Variants in ABCC8 observed in about 807,000 individuals in gnomAD.
ABCC8 encodes ATP binding cassette subfamily C member 8, also known as ATP-binding cassette sub-family C member 8.
A neutral mutation model predicts 188.0 loss-of-function variants in ABCC8; 137 were observed. The ratio of observed to expected loss-of-function variants is 0.73; its 90% CI spans 0.63 to 0.84. ABCC8 has a LOEUF of 0.84. Ranked by LOEUF, ABCC8 falls within the 40% of genes least tolerant of loss-of-function variation. ABCC8 has a pLI of 0.00. For missense variants in ABCC8, 1,750 were observed against 2,072.7 expected, an observed-to-expected ratio of 0.84 and a Z score of 3.02; for synonymous variants, 797 against 846.5, an observed-to-expected ratio of 0.94 and a Z score of 1.01.
intron 8 of ABCC8, among the ~76,000 whole-genome samples, chr11:17,446,841 T>G (rs891487593): frequency 1.3e-5 from 2 of 152,178 alleles, no homozygotes; most frequent in African/African-American, 4.8e-5. Context: ...AACTCTAAGC[T>G]TTACAAGTAA....
Position 17,463,454 on chromosome 11 carries a change from T to A in ABCC8, c.563A>T (p.Asn188Ile). Reference protein sequence around the residue: ...LYGMLLLVEVNVIRVRRYIFF... With the variant: ...LYGMLLLVEVIVIRVRRYIFF... The stretch of plus-strand genomic sequence containing the variant: ...CCTGCTTACCCTCACCCTGATGACA[T>A]TGACCTCCACGAGGAGCAGCATCCC... Residue 188 changes from asparagine (N) to isoleucine (I), a missense_variant, in exon 4 of 39, where the codon AAT (asparagine) becomes ATT (isoleucine). Coordinates refer to ENST00000389817, the MANE Select transcript of ABCC8 (RefSeq NM_000352.6). 6.2e-7 allele frequency: 1 copy of A among 1,605,532 alleles called. No homozygotes were observed. The highest frequency in any genetic ancestry group is 2.2e-5 in the East Asian group (1 of 44,696).
At chr11:17,463,880 G>T (rs1252941738) in intron 3 of ABCC8, among the ~76,000 whole-genome samples, 1 of 152,152 alleles carries the variant, frequency 6.6e-6, no homozygotes, top group African/African-American at 2.4e-5. Flanking sequence ...GGGAAGAATG[G>T]GAAATTTATT....
chr11:17,408,122 T>G, intron 23 of ABCC8: 1 of 374,428 alleles, frequency 2.7e-6, no homozygotes, highest in East Asian at 5.0e-5. Flanking sequence ...TAGTTTTCTT[T>G]GCCAGTTTGA....
intron 7 of ABCC8, among the ~76,000 whole-genome samples, chr11:17,450,887 C>G (rs909114946): frequency 2.0e-5 from 3 of 151,524 alleles, no homozygotes; most frequent in African/African-American, 7.3e-5. Context: ...TGGGGTTTCA[C>G]TATGTTGGTC....
At chr11:17,475,798 C>G (rs921988987) in intron 1 of ABCC8, among the ~76,000 whole-genome samples, 2 of 152,208 alleles carry the variant, frequency 1.3e-5, no homozygotes, top group Non-Finnish European at 2.9e-5. Context: ...TGCTTGTTTT[C>G]TTAAAGTGAA....
chr11:17,393,473 G>C (rs888768153), intron 38 of ABCC8, among the ~76,000 whole-genome samples: 7 of 152,208 alleles, frequency 4.6e-5, no homozygotes, highest in African/African-American at 1.7e-4. Context: ...TGGAGAAGGA[G>C]AGGGGAGGTC....
chr11:17,402,445 A>G (rs1276620825), intron 29 of ABCC8, among the ~76,000 whole-genome samples: 1 of 152,152 alleles, frequency 6.6e-6, no homozygotes, highest in Non-Finnish European at 1.5e-5. Flanking sequence ...GGGCTTGTCT[A>G]CAGAGCTGGA....
chr11:17,428,161 T>G, intron 14 of ABCC8, 128 bp downstream of exon 14: 1 of 1,557,480 alleles, frequency 6.4e-7, no homozygotes, highest in Non-Finnish European at 8.7e-7. Flanking sequence ...TCTGGACTCC[T>G]ATGGACCGTA....
chr11:17,450,685 C>CTTTTCTT (rs1956780962), intron 7 of ABCC8, among the ~76,000 whole-genome samples: 1 of 76,706 alleles, frequency 1.3e-5, no homozygotes, highest in Admixed American at 1.9e-4. Flanking sequence ...GCATGAGCCA[C>CTTTTCTT]TTTTTTTTTT....
chr11:17,404,369 A>T lies in ABCC8; in HGVS notation c.3557+143T>A. On this transcript the variant is annotated intron_variant, in intron 28 of 38. Coordinates refer to ENST00000389817, the MANE Select transcript of ABCC8 (RefSeq NM_000352.6). This position sits in a 1 kb window ranked among gnomAD's most constrained non-coding sequence, Gnocchi z 4.7. Reference sequence around the variant, plus strand: ...TAGGGCGGTGGAATAAGATGTGGATATTTCTATTTCCTTCATTTCTGTTTT... The same window carrying T: ...TAGGGCGGTGGAATAAGATGTGGATTTTTCTATTTCCTTCATTTCTGTTTT... The T allele has an allele frequency of 4.3e-5, 27 of 628,034 alleles. No individual in the cohort carries two copies. The highest frequency in any genetic ancestry group is 7.2e-5 in the Non-Finnish European group (24 of 334,066). The allele number at this position is 628,034 out of a possible 1,614,324, so 38.9% of individuals were successfully genotyped here.
At chr11:17,417,999 C>A (rs1006567093) in intron 16 of ABCC8, among the ~76,000 whole-genome samples, 2 of 152,184 alleles carry the variant, frequency 1.3e-5, no homozygotes, top group African/African-American at 4.8e-5. Context: ...TCAAGCGATC[C>A]TCCAGCTTTG....
chr11:17,467,042 C>CCACACACACACACACACACACACA (rs569546580), intron 3 of ABCC8, among the ~76,000 whole-genome samples: 1 of 132,312 alleles, frequency 7.6e-6, no homozygotes, highest in Non-Finnish European at 1.6e-5. Context: ...ACATGTTAAA[C>CCACACACACACACACACACACACA]CACACACACA....
chr11:17,398,265 C>CCCAG, intron 30 of ABCC8, 74 bp downstream of exon 30: 1 of 1,567,154 alleles, frequency 6.4e-7, no homozygotes, highest in African/African-American at 1.4e-5. Flanking sequence ...CTCTTTCATC[C>CCCAG]CCAGGTACCT....
At chr11:17,410,387 C>T in intron 22 of ABCC8, 129 bp downstream of exon 22, 1 of 1,051,486 alleles carries the variant, frequency 9.5e-7, no homozygotes, top group East Asian at 2.5e-5. Context: ...TAAAGCCATC[C>T]AGTGCTGGTC....
rs1955607741 is a variant in ABCC8 at position 17,427,005 on chromosome 11, AAGG to A, written c.2222+41_2222+43del. ...ATCCTCAACTGAGGAGGATGGTTAA[AAGG>A]AGATTTCCCCTCCACTGGGCCCTGA... On this transcript the variant is annotated intron_variant, in intron 16 of 38. Coordinates refer to ENST00000389817, the MANE Select transcript of ABCC8 (RefSeq NM_000352.6). This position sits in a 1 kb window ranked among gnomAD's most constrained non-coding sequence, Gnocchi z 5.0. 1.9e-6 allele frequency: 3 copies of A among 1,607,392 alleles called. No individual in the cohort carries two copies. Among genetic ancestry groups the A allele is most frequent in the Non-Finnish European group, 2.6e-6 (3 of 1,175,990 alleles).
chr11:17,460,830 C>T, intron 5 of ABCC8, 154 bp from the exon 6 acceptor site: 1 of 1,467,028 alleles, frequency 6.8e-7, no homozygotes, highest in Non-Finnish European at 9.1e-7. Context: ...ATCATGGAAT[C>T]AGCAAGTGCA....
At chr11:17,450,196 A>G (rs1328161224) in intron 7 of ABCC8, among the ~76,000 whole-genome samples, 1 of 151,730 alleles carries the variant, frequency 6.6e-6, no homozygotes, top group East Asian at 1.9e-4. Context: ...GGAAATCTCC[A>G]AAAGAAAGAA....
Position 17,394,413 on chromosome 11 carries a change from G to A in ABCC8, c.4412-14C>T, listed in dbSNP as rs193922404. 3.7e-5 allele frequency: 59 copies of A among 1,614,036 alleles called. No individual in the cohort carries two copies. In the African/African-American group the frequency reaches 6.1e-4, roughly 17 times the overall value. On this transcript the variant is annotated splice_polypyrimidine_tract_variant and intron_variant, in intron 36 of 38. Coordinates refer to ENST00000389817, the MANE Select transcript of ABCC8 (RefSeq NM_000352.6). ...TGATGATGGCATCTGAAAACAGCCC[G>A]GGGAGATGAAGTAGGACTGAGTTAA...
intron 26 of ABCC8, 69 bp from the exon 27 acceptor site, chr11:17,405,632 A>G: frequency 1.9e-6 from 3 of 1,612,862 alleles, no homozygotes; most frequent in Non-Finnish European, 2.5e-6. Flanking sequence ...TGAATGAGAT[A>G]GTTAATTATT....
Sources: gnomAD v4.1 joint callset for allele counts (sites outside exome capture counted in the v4.1 genomes callset) on GRCh38, gnomAD v4.1.1 for gene constraint, Gnocchi (gnomAD v3.1) non-coding constraint, MANE v1.5 for transcripts, NCBI Gene and HGNC (gene_info 2026-07-23, HGNC 2026-07-21) for gene names.